ROR1: variants seen among roughly 807,000 people sequenced by gnomAD.
ROR1 encodes the protein ROR family WNT receptor 1.
A neutral mutation model predicts 78.8 loss-of-function variants in ROR1; 19 were observed. That is an observed-to-expected ratio of 0.24 (90% CI 0.17 to 0.35). The LOEUF (loss-of-function observed/expected upper bound fraction) is 0.35. Among genes scored for constraint, ROR1 ranks in the 10% least tolerant of loss-of-function variants. The pLI is 1.00. For synonymous variants in ROR1, 386 were observed against 433.6 expected, an observed-to-expected ratio of 0.89 and a Z score of 1.36; for missense variants, 917 against 1,177.8, an observed-to-expected ratio of 0.78 and a Z score of 3.24.
intron 4 of ROR1, among the ~76,000 whole-genome samples, chr1:64,085,187 T>A (rs1647141439): frequency 6.6e-6 from 1 of 152,224 alleles, no homozygotes; most frequent in Non-Finnish European, 1.5e-5. Context: ...AATATTTAAA[T>A]GAGCACATGC....
chr1:63,940,498 C>CAGACAGACAGACAGATAGATAGAT (rs1230477303), intron 1 of ROR1, among the ~76,000 whole-genome samples: 4 of 75,138 alleles, frequency 5.3e-5, no homozygotes, highest in African/African-American at 1.2e-4. Context: ...GATAGACAGA[C>CAGACAGACAGACAGATAGATAGAT]AGATAGATAG....
chr1:63,958,418 CA>C (rs1244278509), intron 1 of ROR1, among the ~76,000 whole-genome samples: 1 of 152,046 alleles, frequency 6.6e-6, no homozygotes, highest in Non-Finnish European at 1.5e-5. Flanking sequence ...GCAATAATGG[CA>C]GTTAAATTTT....
At chr1:63,984,915 CAGTT>C (rs1001460180) in intron 1 of ROR1, among the ~76,000 whole-genome samples, 5 of 152,178 alleles carry the variant, frequency 3.3e-5, no homozygotes, top group Admixed American at 6.5e-5. Context: ...AAATGCCAAA[CAGTT>C]TGTTGTTTAA....
At chr1:64,125,223 G>T (rs1245360238) in intron 4 of ROR1, among the ~76,000 whole-genome samples, 1 of 152,214 alleles carries the variant, frequency 6.6e-6, no homozygotes, top group Non-Finnish European at 1.5e-5. Context: ...AAAGTAGATA[G>T]ATGCACTGTT....
chr1:64,077,047 C>T (rs1387470479), intron 4 of ROR1, among the ~76,000 whole-genome samples: 1 of 152,156 alleles, frequency 6.6e-6, no homozygotes. Context: ...AATATACCCT[C>T]CTCATATGGC....
chr1:63,911,367 C>A (rs1039374400), intron 1 of ROR1, among the ~76,000 whole-genome samples: 43 of 152,174 alleles, frequency 2.8e-4, no homozygotes, highest in African/African-American at 1.0e-3. Context: ...CTGTCCAGGG[C>A]TAGTTAGGAG....
At chr1:63,864,008 T>C (rs1645199799) in intron 1 of ROR1, among the ~76,000 whole-genome samples, 1 of 152,178 alleles carries the variant, frequency 6.6e-6, no homozygotes, top group Non-Finnish European at 1.5e-5. Context: ...CATAGCATAA[T>C]AGCAGCTAGC....
intron 4 of ROR1, among the ~76,000 whole-genome samples, chr1:64,118,632 C>CAAAAAAAAAAAAAAAAA (rs3084938): frequency 1.5e-5 from 1 of 65,852 alleles, no homozygotes; most frequent in Non-Finnish European, 2.8e-5. Context: ...GACTCCATCT[C>CAAAAAAAAAAAAAAAAA]AAAAAAAAAA....
At chr1:64,030,208 G>C (rs1646649445) in intron 2 of ROR1, among the ~76,000 whole-genome samples, 1 of 152,098 alleles carries the variant, frequency 6.6e-6, no homozygotes, top group African/African-American at 2.4e-5. Context: ...GAGGCAATTG[G>C]GTGGGTGTAG....
intron 4 of ROR1, among the ~76,000 whole-genome samples, chr1:64,136,633 C>T (rs1649109597): frequency 6.6e-6 from 1 of 152,018 alleles, no homozygotes; most frequent in Non-Finnish European, 1.5e-5. Flanking sequence ...TCTGGTGTCC[C>T]TCTGTCTTCA....
intron 1 of ROR1, among the ~76,000 whole-genome samples, chr1:63,800,796 C>A (rs560399524): frequency 6.6e-6 from 1 of 152,314 alleles, no homozygotes; most frequent in East Asian, 1.9e-4. Context: ...CTGGGAACTT[C>A]CTCAACCTTG....
intron 1 of ROR1, among the ~76,000 whole-genome samples, chr1:64,007,511 A>G (rs1296274468): frequency 6.6e-6 from 1 of 152,150 alleles, no homozygotes; most frequent in African/African-American, 2.4e-5. Context: ...TTATTTGTAT[A>G]TTACAGTCTA....
chr1:63,787,476 T>TCCTTCCTTCCTTCCTTCCTTCCTTCCTG (rs1331155403), intron 1 of ROR1, among the ~76,000 whole-genome samples: 23 of 132,486 alleles, frequency 1.7e-4, no homozygotes, highest in African/African-American at 4.3e-4. Flanking sequence ...CTTCCTTCCT[T>TCCTTCCTTCCTTCCTTCCTTCCTTCCTG]CCTTCCTGCC....
intron 1 of ROR1, among the ~76,000 whole-genome samples, chr1:63,868,228 T>A (rs2100355230): frequency 6.6e-6 from 1 of 152,326 alleles, no homozygotes; most frequent in Non-Finnish European, 1.5e-5. Context: ...ATTTTATCAC[T>A]CATTAAACAA....
intron 1 of ROR1, among the ~76,000 whole-genome samples, chr1:63,962,633 G>A (rs780793132): frequency 4.6e-5 from 7 of 152,172 alleles, no homozygotes; most frequent in Non-Finnish European, 7.3e-5. Flanking sequence ...ATGAGGGAGC[G>A]GGGAGAGTGC....
At chr1:64,138,019 T>C (rs1169096237) in intron 5 of ROR1, among the ~76,000 whole-genome samples, 1 of 152,234 alleles carries the variant, frequency 6.6e-6, no homozygotes, top group Non-Finnish European at 1.5e-5. Context: ...CTCTTCTTGC[T>C]CTAGCTTTCA....
At chr1:63,806,349 G>T (rs997440516) in intron 1 of ROR1, among the ~76,000 whole-genome samples, 3 of 141,526 alleles carry the variant, frequency 2.1e-5, no homozygotes, top group African/African-American at 8.1e-5. Context: ...ATGGAGTCTC[G>T]CTCTGTCGCC....
chr1:64,161,322 C>G (rs1649938571), intron 8 of ROR1, among the ~76,000 whole-genome samples: 1 of 152,144 alleles, frequency 6.6e-6, no homozygotes, highest in South Asian at 2.1e-4. Flanking sequence ...ATAGAGCTGG[C>G]CCTTGCTCTT....
chr1:63,964,997 G>T (rs1646061742), intron 1 of ROR1, among the ~76,000 whole-genome samples: 1 of 152,170 alleles, frequency 6.6e-6, no homozygotes, highest in African/African-American at 2.4e-5. Flanking sequence ...TTTCCTTATG[G>T]CCTTATCTCT....
Sources: allele counts gnomAD v4.1 joint callset (sites outside exome capture counted in the v4.1 genomes callset), GRCh38; gene constraint gnomAD v4.1.1; transcripts MANE v1.5; gene names NCBI Gene and HGNC (gene_info 2026-07-23, HGNC 2026-07-21).